The following PPP2R2C variants were observed in gnomAD, a reference collection of about 807,000 sequenced individuals.
PPP2R2C encodes protein phosphatase 2, regulatory subunit B, gamma.
Under a neutral mutation model 45.3 loss-of-function variants are expected in PPP2R2C, and 10 were observed. The observed-to-expected ratio is 0.22, with a 90% CI of 0.14 to 0.37. PPP2R2C has a LOEUF of 0.37. Among genes scored for constraint, PPP2R2C ranks in the 10% least tolerant of loss-of-function variants. The pLI is 1.00. For synonymous variants in PPP2R2C, 257 were observed against 245.4 expected, an observed-to-expected ratio of 1.05 and a Z score of -0.44; for missense variants, 308 against 619.7, an observed-to-expected ratio of 0.50 and a Z score of 5.34.
intron 2 of PPP2R2C, among the ~76,000 whole-genome samples, chr4:6,529,283 C>G (rs1228523385): frequency 2.0e-5 from 3 of 152,246 alleles, no homozygotes; most frequent in Non-Finnish European, 4.4e-5. Context: ...GGGATTAACC[C>G]AGGGATTTCA....
chr4:6,495,835 A>G (rs1045665689), intron 2 of PPP2R2C, among the ~76,000 whole-genome samples: 2 of 152,198 alleles, frequency 1.3e-5, no homozygotes, highest in Admixed American at 6.5e-5. Flanking sequence ...AAATTACCAC[A>G]AAGTCTGTGG....
chr4:6,395,231 C>A (rs926799002), intron 1 of PPP2R2C, among the ~76,000 whole-genome samples: 3 of 152,210 alleles, frequency 2.0e-5, no homozygotes, highest in African/African-American at 2.4e-5. Context: ...GCTCTCCACT[C>A]CTAACACTGC....
chr4:6,360,579 T>C (rs1259327622), intron 5 of PPP2R2C, among the ~76,000 whole-genome samples: 1 of 152,168 alleles, frequency 6.6e-6, no homozygotes, highest in African/African-American at 2.4e-5. Flanking sequence ...ACAAAAGGAC[T>C]CACGCATGAG....
chr4:6,529,834 T>G (rs67378833), intron 2 of PPP2R2C, among the ~76,000 whole-genome samples: 40,837 of 152,074 alleles, frequency 0.27, 6,752 homozygotes, highest in Admixed American at 0.35. Flanking sequence ...GACCACTCAC[T>G]TCTCTGCTTG....
intron 1 of PPP2R2C, among the ~76,000 whole-genome samples, chr4:6,558,807 G>T (rs986807536): frequency 6.6e-6 from 1 of 152,190 alleles, no homozygotes; most frequent in Non-Finnish European, 1.5e-5. Context: ...ACCCAGGAAA[G>T]GATTTCCACA....
chr4:6,461,294 C>T (rs1721307647), intron 1 of PPP2R2C, among the ~76,000 whole-genome samples: 1 of 152,102 alleles, frequency 6.6e-6, no homozygotes, highest in Admixed American at 6.5e-5. Flanking sequence ...GTTTTTTGGA[C>T]TGAGAATGTA....
intron 6 of PPP2R2C, 35 bp downstream of exon 6, chr4:6,347,811 T>C (rs775528237): frequency 5.8e-6 from 3 of 519,238 alleles, no homozygotes; most frequent in Non-Finnish European, 9.6e-6. Flanking sequence ...GCCTGCCCAA[T>C]GCACAGCCCC....
At chr4:6,430,842 T>C (rs1241186204) in intron 1 of PPP2R2C, among the ~76,000 whole-genome samples, 2 of 152,056 alleles carry the variant, frequency 1.3e-5, no homozygotes, top group African/African-American at 2.4e-5. Flanking sequence ...GGAGAATCAC[T>C]TGAACCCAGG....
intron 1 of PPP2R2C, among the ~76,000 whole-genome samples, chr4:6,453,554 C>T (rs1720857336): frequency 6.7e-6 from 1 of 149,916 alleles, no homozygotes; most frequent in South Asian, 2.2e-4. Context: ...GTGCATCCAT[C>T]ATATTCACCG....
chr4:6,527,731 GC>G (rs1190374863), intron 2 of PPP2R2C, among the ~76,000 whole-genome samples: 2 of 152,098 alleles, frequency 1.3e-5, no homozygotes, highest in African/African-American at 4.8e-5. Context: ...AAAATATGGG[GC>G]CCCAGCCGGG....
intron 2 of PPP2R2C, among the ~76,000 whole-genome samples, chr4:6,509,028 T>G (rs1723337228): frequency 6.6e-6 from 1 of 152,212 alleles, no homozygotes; most frequent in South Asian, 2.1e-4. Flanking sequence ...CTTTTGCCCC[T>G]CAGACGAATC....
intron 2 of PPP2R2C, among the ~76,000 whole-genome samples, chr4:6,507,223 C>CA (rs1685619391): frequency 1.3e-5 from 2 of 152,192 alleles, no homozygotes; most frequent in South Asian, 4.1e-4. Flanking sequence ...AACAAAAGCA[C>CA]AGGTGCTCAA....
intron 1 of PPP2R2C, among the ~76,000 whole-genome samples, chr4:6,389,354 T>C (rs1349178981): frequency 6.6e-6 from 1 of 152,202 alleles, no homozygotes; most frequent in Non-Finnish European, 1.5e-5. Context: ...ACACCATTAA[T>C]GATCCATCAG....
chr4:6,422,444 G>A (rs1357019184), intron 1 of PPP2R2C, among the ~76,000 whole-genome samples: 1 of 152,208 alleles, frequency 6.6e-6, no homozygotes, highest in Non-Finnish European at 1.5e-5. Flanking sequence ...GCTAGAGAGA[G>A]CTTGAAAAAT....
chr4:6,365,599 C>T (rs1393238183), intron 5 of PPP2R2C, among the ~76,000 whole-genome samples: 3 of 152,210 alleles, frequency 2.0e-5, no homozygotes, highest in Admixed American at 6.5e-5. Flanking sequence ...TGGCCCAGCA[C>T]AGAGTCTGCA....
At position 6,511,453 on chromosome 4, in the gene PPP2R2C, GTGA is replaced by G. The variant is rs1163190057; in HGVS notation, c.49+23815_49+23817del. Among the ~76,000 whole-genome samples the G allele has an allele frequency of 3.6e-5, 5 of 140,572 alleles. 1 individual carries two copies. The highest frequency in any genetic ancestry group is 7.9e-5 in the African/African-American group (3 of 37,798). The allele number at this position is 140,572 out of a possible 152,430, so 92.2% of individuals were successfully genotyped here. On this transcript the variant is annotated intron_variant, in intron 2 of 9. Coordinates refer to the PPP2R2C transcript ENST00000506140. ...GATGGTGGTGGTGACGGTGGTGGTG[GTGA>G]TGATGACGGTGGTGGTGGTGATGGC...
At chr4:6,500,287 A>G (rs1723008077) in intron 2 of PPP2R2C, among the ~76,000 whole-genome samples, 1 of 152,132 alleles carries the variant, frequency 6.6e-6, no homozygotes, top group Non-Finnish European at 1.5e-5. Flanking sequence ...AGCTGGGATT[A>G]TAGGCGCACA....
chr4:6,344,348 C>T (rs556348200), intron 6 of PPP2R2C, among the ~76,000 whole-genome samples: 2 of 152,346 alleles, frequency 1.3e-5, no homozygotes, highest in East Asian at 1.9e-4. Context: ...CTGATTCACA[C>T]AAGGCTCATA....
intron 1 of PPP2R2C, among the ~76,000 whole-genome samples, chr4:6,440,701 T>A (rs868591308): frequency 2.0e-5 from 3 of 152,210 alleles, no homozygotes; most frequent in South Asian, 2.1e-4. Context: ...GACTGGCACG[T>A]CTCAGAGCCT....
Sources: allele counts gnomAD v4.1 joint callset (sites outside exome capture counted in the v4.1 genomes callset), GRCh38; gene constraint gnomAD v4.1.1; transcripts MANE v1.5; gene names NCBI Gene and HGNC (gene_info 2026-07-23, HGNC 2026-07-21).